Variants in KCTD5 observed in about 807,000 individuals in gnomAD.
KCTD5 encodes potassium channel tetramerization domain containing 5.
KCTD5 carries 12 observed loss-of-function variants against 27.9 expected under a neutral mutation model. That is an observed-to-expected ratio of 0.43 (90% CI 0.28 to 0.70). KCTD5 has a LOEUF of 0.70. Among genes scored for constraint, KCTD5 ranks in the 30% least tolerant of loss-of-function variants. KCTD5 has a pLI of 0.19. For missense variants in KCTD5, 226 were observed against 274.8 expected (o/e 0.82, Z 1.26); for synonymous variants, 147 against 121.4 (o/e 1.21, Z -1.39).
At chr16:2,699,302 C>T (rs539370256) in intron 3 of KCTD5, 15 of 442,290 alleles carry the variant, frequency 3.4e-5, no homozygotes, top group Admixed American at 9.7e-5. Flanking sequence ...GCACAGCAAG[C>T]GTGCCAGGCA....
chr16:2,701,416 G>C (rs2067611601), intron 4 of KCTD5, among the ~76,000 whole-genome samples: 1 of 152,214 alleles, frequency 6.6e-6, no homozygotes, highest in South Asian at 2.1e-4. Context: ...GGTCAGCAGG[G>C]GATTGCAAGC....
At chr16:2,684,796 G>A (rs1229577055) in intron 1 of KCTD5, 1 of 151,856 alleles carries the variant, frequency 6.6e-6, no homozygotes, top group Admixed American at 6.6e-5. Context: ...AAATAAGCCA[G>A]GTGTGGTGGC....
At chr16:2,706,742 C>T (rs898753282) in intron 5 of KCTD5, among the ~76,000 whole-genome samples, 7 of 150,006 alleles carry the variant, frequency 4.7e-5, no homozygotes, top group Non-Finnish European at 7.4e-5. Context: ...ATCCCCGCAG[C>T]GTGATCTGCA....
At chr16:2,698,122 C>T (rs911514647) in intron 3 of KCTD5, 125 bp downstream of exon 3, 11 of 657,036 alleles carry the variant, frequency 1.7e-5, no homozygotes, top group Non-Finnish European at 2.7e-5. Context: ...CCCTGAGACC[C>T]TTGTCCTCTG....
At chr16:2,697,654 G>T (rs73494243) in intron 2 of KCTD5, among the ~76,000 whole-genome samples, 8,131 of 152,334 alleles carry the variant, frequency 0.053, 746 homozygotes, top group African/African-American at 0.19. Context: ...GTTACCTGGG[G>T]TGACCTGAGC....
chr16:2,687,924 G>C lies in KCTD5; in HGVS notation c.252+5124G>C, dbSNP rs370677337. Among the ~76,000 whole-genome samples the C allele has an allele frequency of 2.0e-4, 31 of 152,200 alleles. 1 individual carries two copies. In the South Asian group the frequency reaches 6.2e-3, roughly 31 times the overall value. On this transcript the variant is annotated intron_variant, in intron 1 of 5. Coordinates refer to ENST00000301738, the MANE Select transcript of KCTD5 (RefSeq NM_018992.4). Reference sequence around the variant, plus strand: ...GGCAGTTCTCCATGGACTGCAGAATGTCTAGAACATTCTGGCCTGGGGTTG... The same window carrying C: ...GGCAGTTCTCCATGGACTGCAGAATCTCTAGAACATTCTGGCCTGGGGTTG...
At chr16:2,697,790 G>C in intron 2 of KCTD5, 116 bp from the exon 3 acceptor site, 2 of 732,038 alleles carry the variant, frequency 2.7e-6, no homozygotes, top group South Asian at 3.3e-5. Context: ...GCTCCCGCTG[G>C]GCCGAGCCAT....
At chr16:2,699,530 G>A (rs896100818) in intron 3 of KCTD5, among the ~76,000 whole-genome samples, 1 of 152,260 alleles carries the variant, frequency 6.6e-6, no homozygotes, top group African/African-American at 2.4e-5. Context: ...GGACGCTCTC[G>A]TGTCGTCATG....
intron 3 of KCTD5, 128 bp from the exon 4 acceptor site, chr16:2,699,693 T>A: frequency 1.3e-6 from 1 of 746,538 alleles, no homozygotes; most frequent in South Asian, 1.6e-5. Flanking sequence ...CAGGATTGCT[T>A]TGGGCCTCGT....
intron 4 of KCTD5, 35 bp downstream of exon 4, chr16:2,699,951 C>G (rs745836551): frequency 1.3e-6 from 2 of 1,582,772 alleles, no homozygotes; most frequent in South Asian, 2.2e-5. Context: ...GGCAGCCATG[C>G]TGCAGCTGAA....
chr16:2,696,405 C>CTGAA (rs2067586283), intron 2 of KCTD5, among the ~76,000 whole-genome samples: 1 of 150,932 alleles, frequency 6.6e-6, no homozygotes, highest in Non-Finnish European at 1.5e-5. Flanking sequence ...CCACGGCGTG[C>CTGAA]TTCAGGGCCT....
At chr16:2,699,991 G>A in intron 4 of KCTD5, 75 bp downstream of exon 4, 1 of 1,375,384 alleles carries the variant, frequency 7.3e-7, no homozygotes, top group Non-Finnish European at 1.0e-6. Context: ...AGGGCTCAGT[G>A]CTCCTGGAAA....
rs544627439 is a variant in KCTD5, at chr16:2,688,532, T to A, written c.252+5732T>A. On this transcript the variant is annotated intron_variant, in intron 1 of 5. Coordinates refer to ENST00000301738, the MANE Select transcript of KCTD5 (RefSeq NM_018992.4). ...TCCCAAAGTGCTGGGATTACAGGTG[T>A]GAGTGTACTTTACTTTTAGGAAGGA... 3.3e-5 allele frequency among the ~76,000 whole-genome samples: 5 copies of A among 151,968 alleles called. 1 individual carries two copies. The South Asian group carries it at 1.0e-3, about 32-fold the overall frequency.
At chr16:2,691,705 A>C (rs1161034362) in intron 1 of KCTD5, among the ~76,000 whole-genome samples, 1 of 152,120 alleles carries the variant, frequency 6.6e-6, no homozygotes, top group Non-Finnish European at 1.5e-5. Flanking sequence ...TTCTTGGTAG[A>C]CGCAGCTGGG....
intron 1 of KCTD5, among the ~76,000 whole-genome samples, chr16:2,690,556 G>T (rs1297114127): frequency 4.6e-5 from 7 of 152,250 alleles, no homozygotes; most frequent in Non-Finnish European, 7.3e-5. Flanking sequence ...ACCTTCCTGA[G>T]ATCAAGCGCA....
In KCTD5 at chr16:2,699,924, G is replaced by C. The variant is rs765880446; in HGVS notation, c.549+8G>C. On this transcript the variant is annotated splice_region_variant and intron_variant, in intron 4 of 5. Transcript: ENST00000301738. ...GGCTGGAAGTTCGAGCAGGTGAGGG[G>C]CCCTGGCCAGCCTGGTGGCAGCCAT... is the stretch of plus-strand genomic sequence containing the variant. 2 of 1,612,578 alleles carry C rather than the reference G, an allele frequency of 1.2e-6. No homozygotes were observed. The highest frequency in any genetic ancestry group is 3.3e-5 in the Admixed American group (2 of 60,020).
At chr16:2,691,291 C>T (rs1274624396) in intron 1 of KCTD5, among the ~76,000 whole-genome samples, 1 of 152,262 alleles carries the variant, frequency 6.6e-6, no homozygotes. Context: ...ACCTTCCGCT[C>T]TGCCCAGACA....
At chr16:2,697,798 C>T in intron 2 of KCTD5, 108 bp from the exon 3 acceptor site, 2 of 777,658 alleles carry the variant, frequency 2.6e-6, no homozygotes, top group Non-Finnish European at 4.4e-6. Flanking sequence ...TGGGCCGAGC[C>T]ATGGGCCCTC....
intron 1 of KCTD5, among the ~76,000 whole-genome samples, chr16:2,690,437 GCC>G (rs1323911920): frequency 2.0e-5 from 3 of 152,270 alleles, no homozygotes; most frequent in Non-Finnish European, 4.4e-5. Flanking sequence ...CTTGGGCCCG[GCC>G]ACAAGTAGGT....
Sources: allele counts gnomAD v4.1 joint callset (sites outside exome capture counted in the v4.1 genomes callset), GRCh38; gene constraint gnomAD v4.1.1; transcripts MANE v1.5; gene names NCBI Gene and HGNC (gene_info 2026-07-23, HGNC 2026-07-21).